The following COPG2 variants were observed in gnomAD, a reference collection of about 807,000 sequenced individuals.
COPG2 encodes the protein coat protein complex I subunit gamma 2.
Under a neutral mutation model 46.3 loss-of-function variants are expected in COPG2, and 37 were observed. The ratio of observed to expected loss-of-function variants is 0.80; its 90% CI spans 0.61 to 1.05. The LOEUF is 1.05. Ranked by LOEUF, COPG2 falls within the 50% of genes least tolerant of loss-of-function variation. The pLI, the probability that COPG2 is intolerant of heterozygous loss-of-function variation, is 0.00. For missense variants in COPG2, 427 were observed against 387.8 expected, an observed-to-expected ratio of 1.10 and a Z score of -0.85; for synonymous variants, 159 against 129.7, an observed-to-expected ratio of 1.23 and a Z score of -1.53.
intron 20 of COPG2, among the ~76,000 whole-genome samples, chr7:130,521,863 A>C (rs1432575544): frequency 6.6e-6 from 1 of 152,198 alleles, no homozygotes; most frequent in African/African-American, 2.4e-5. Flanking sequence ...AAAAAGGGTG[A>C]GGTAGAAAAG....
At chr7:130,517,230 A>G (rs924974954) in intron 20 of COPG2, among the ~76,000 whole-genome samples, 1 of 152,196 alleles carries the variant, frequency 6.6e-6, no homozygotes, top group African/African-American at 2.4e-5. Context: ...AATAAGAAGG[A>G]AGAGAGAGCT....
chr7:130,633,665 A>T (rs986247076), intron 5 of COPG2, among the ~76,000 whole-genome samples: 1 of 152,116 alleles, frequency 6.6e-6, no homozygotes, highest in African/African-American at 2.4e-5. Flanking sequence ...CCCATTCTGT[A>T]GGTTGCCTGT....
intron 5 of COPG2, among the ~76,000 whole-genome samples, chr7:130,652,548 T>C (rs1318930435): frequency 6.6e-6 from 1 of 152,224 alleles, no homozygotes; most frequent in Non-Finnish European, 1.5e-5. Flanking sequence ...TCTTTATATA[T>C]TACAGATGCT....
chr7:130,594,548 C>A (rs533040812), intron 9 of COPG2, among the ~76,000 whole-genome samples: 11 of 152,252 alleles, frequency 7.2e-5, no homozygotes, highest in African/African-American at 2.2e-4. Flanking sequence ...TTTGAAAGAA[C>A]ACTATATCAA....
chr7:130,634,822 T>C (rs546584079), intron 5 of COPG2, among the ~76,000 whole-genome samples: 177 of 152,240 alleles, frequency 1.2e-3, no homozygotes, highest in Non-Finnish European at 8.8e-4. Context: ...CTTTTGCCCA[T>C]TCAGTATGAT....
At chr7:130,607,697 T>C in intron 9 of COPG2, 2 of 519,894 alleles carry the variant, frequency 3.8e-6, no homozygotes, top group Non-Finnish European at 7.7e-6. Context: ...ATTCCTTTTA[T>C]GGCTCCCTCT....
At chr7:130,564,438 G>C (rs36175919) in intron 9 of COPG2, 45 bp from the exon 10 acceptor site, 79,823 of 398,062 alleles carry the variant, frequency 0.2, 8,420 homozygotes, top group Middle Eastern at 0.3. Context: ...ATCAAATAGA[G>C]AGGCAATATG....
At chr7:130,512,934 G>T (rs552991711) in intron 20 of COPG2, among the ~76,000 whole-genome samples, 3 of 152,166 alleles carry the variant, frequency 2.0e-5, no homozygotes, top group Admixed American at 2.0e-4. Context: ...AGAGAAGATG[G>T]AGGCTGGAAG....
intron 20 of COPG2, among the ~76,000 whole-genome samples, chr7:130,510,544 TGAG>T (rs1385113492): frequency 4.0e-5 from 6 of 151,844 alleles, no homozygotes; most frequent in East Asian, 1.9e-4. Context: ...CTACAGCAAA[TGAG>T]GAGGACAAAG....
intron 20 of COPG2, chr7:130,511,687 G>T (rs1554441033): frequency 7.8e-6 from 4 of 513,308 alleles, no homozygotes; most frequent in Admixed American, 6.0e-5. Flanking sequence ...GCAAAGGAAA[G>T]AAAATATTAC....
chr7:130,592,956 T>C (rs1794459633), intron 9 of COPG2, among the ~76,000 whole-genome samples: 1 of 152,242 alleles, frequency 6.6e-6, no homozygotes, highest in South Asian at 2.1e-4. Flanking sequence ...CCCTATCTCA[T>C]AGTATGAAAA....
intron 20 of COPG2, among the ~76,000 whole-genome samples, chr7:130,514,059 G>A (rs1799654047): frequency 6.6e-6 from 1 of 152,220 alleles, no homozygotes; most frequent in South Asian, 2.1e-4. Context: ...GGGAAATCTT[G>A]TAAACCCTTA....
chr7:130,578,865 C>A (rs1584981243), intron 9 of COPG2, among the ~76,000 whole-genome samples: 1 of 149,514 alleles, frequency 6.7e-6, no homozygotes, highest in African/African-American at 2.5e-5. Flanking sequence ...ACCAAATCTA[C>A]ATCTGATTGG....
chr7:130,655,924 T>C (rs1795842968), intron 4 of COPG2, among the ~76,000 whole-genome samples: 1 of 152,228 alleles, frequency 6.6e-6, no homozygotes, highest in Non-Finnish European at 1.5e-5. Flanking sequence ...AATGGCAATT[T>C]ATCTAGTTAT....
intron 20 of COPG2, chr7:130,511,015 T>A: frequency 3.9e-6 from 2 of 517,996 alleles, no homozygotes; most frequent in South Asian, 2.8e-5. Context: ...GAGGATTCAC[T>A]GAAAATGAGA....
At chr7:130,601,688 T>C (rs1794633552) in intron 9 of COPG2, among the ~76,000 whole-genome samples, 1 of 151,912 alleles carries the variant, frequency 6.6e-6, no homozygotes, top group Non-Finnish European at 1.5e-5. Flanking sequence ...AGGGGAGGGA[T>C]AGCGTTAGGA....
intron 4 of COPG2, among the ~76,000 whole-genome samples, chr7:130,660,377 A>C (rs1234393978): frequency 6.6e-6 from 1 of 152,068 alleles, no homozygotes; most frequent in African/African-American, 2.4e-5. Flanking sequence ...CTATATTCTC[A>C]AACTCTTCTC....
chr7:130,558,732 G>T (rs1276299726), intron 12 of COPG2, among the ~76,000 whole-genome samples: 1 of 152,098 alleles, frequency 6.6e-6, no homozygotes, highest in African/African-American at 2.4e-5. Context: ...ATGTTGCCCA[G>T]GCTGGTCTTG....
At chr7:130,590,636 C>T (rs1234856705) in intron 9 of COPG2, among the ~76,000 whole-genome samples, 76 of 152,154 alleles carry the variant, frequency 5.0e-4, no homozygotes, top group Non-Finnish European at 7.8e-4. Flanking sequence ...CCTGCCTTGG[C>T]CCCCCAAAGT....
Sources: gnomAD v4.1 joint callset for allele counts (sites outside exome capture counted in the v4.1 genomes callset) on GRCh38, gnomAD v4.1.1 for gene constraint, MANE v1.5 for transcripts, NCBI Gene and HGNC (gene_info 2026-07-23, HGNC 2026-07-21) for gene names.